Variants in BMP8B observed in about 807,000 individuals in gnomAD.
BMP8B encodes the protein bone morphogenetic protein 8b, also known as bone morphogenetic protein 8 (osteogenic protein 2).
A neutral mutation model predicts 30.3 loss-of-function variants in BMP8B; 17 were observed. The ratio of observed to expected loss-of-function variants is 0.56; its 90% CI spans 0.38 to 0.84. BMP8B has a LOEUF of 0.84. Ranked by LOEUF, BMP8B falls within the 40% of genes least tolerant of loss-of-function variation. The pLI is 0.00. For missense variants in BMP8B, 253 were observed against 494.6 expected (o/e 0.51, Z 4.63); for synonymous variants, 131 against 214.7 (o/e 0.61, Z 3.41).
In BMP8B at chr1:39,759,884, T is replaced by C. The variant is rs1008867246; in HGVS notation, c.*535A>G. The C allele has an allele frequency of 1.3e-5, 2 of 155,048 alleles. No homozygotes were observed. Among genetic ancestry groups the C allele is most frequent in the African/African-American group, 4.8e-5 (2 of 41,506 alleles). The allele number at this position is 155,048 out of a possible 1,614,324, so 9.6% of individuals were successfully genotyped here. On this transcript the variant is annotated 3_prime_UTR_variant, in exon 7 of 7. Coordinates refer to ENST00000372827, the MANE Select transcript of BMP8B (RefSeq NM_001720.5). ...CTACCTGTGACCAGTGGATCAGTGC[T>C]TCAGATCCATGAATATACAATACTT...
chr1:39,770,770 C>G, intron 3 of BMP8B: 1 of 891,048 alleles, frequency 1.1e-6, no homozygotes, highest in South Asian at 1.8e-5. Flanking sequence ...GGACCAGGGT[C>G]CCGTAGCCCG....
At position 39,759,778 on chromosome 1, in the gene BMP8B, G is replaced by A. The variant is rs1648691514; in HGVS notation, c.*641C>T. On this transcript the variant is annotated 3_prime_UTR_variant, in exon 7 of 7. Coordinates refer to ENST00000372827, the MANE Select transcript of BMP8B (RefSeq NM_001720.5). ...GGCAGAGGCAAATGCAAAGCAGGAA[G>A]ACAAGGGAAGATAAATGCCATTGGC... 6.6e-6 allele frequency: 1 copy of A among 152,322 alleles called. No homozygotes were observed. The highest frequency in any genetic ancestry group is 1.5e-5 in the Non-Finnish European group (1 of 68,122). The allele number at this position is 152,322 out of a possible 1,614,324, so 9.4% of individuals were successfully genotyped here.
chr1:39,766,319 C>A (rs1221317025), intron 3 of BMP8B, among the ~76,000 whole-genome samples: 1 of 146,154 alleles, frequency 6.8e-6, no homozygotes, highest in Non-Finnish European at 1.5e-5. Context: ...TCAGTTTACA[C>A]GAAAGTACAT....
chr1:39,764,381 C>T (rs1390165006), intron 4 of BMP8B, among the ~76,000 whole-genome samples: 1 of 151,734 alleles, frequency 6.6e-6, no homozygotes, highest in Non-Finnish European at 1.5e-5. Context: ...CTGAGAAAGA[C>T]CCGGAGGAGC....
intron 3 of BMP8B, chr1:39,770,495 A>C: frequency 6.2e-7 from 1 of 1,609,920 alleles, no homozygotes; most frequent in Non-Finnish European, 8.5e-7. Context: ...TTCTGGGGGG[A>C]AAGCCCCCAC....
At chr1:39,764,390 G>A (rs1649443247) in intron 4 of BMP8B, among the ~76,000 whole-genome samples, 1 of 151,774 alleles carries the variant, frequency 6.6e-6, no homozygotes, top group South Asian at 2.1e-4. Context: ...ACCCGGAGGA[G>A]CCAGGGGGAG....
At chr1:39,769,523 T>C (rs1398393067) in intron 3 of BMP8B, 2 of 833,462 alleles carry the variant, frequency 2.4e-6, no homozygotes, top group Admixed American at 3.5e-5. Context: ...GAGGAACTGA[T>C]CTGTTTTCCT....
In BMP8B at chr1:39,758,972, GCCCA is replaced by G. The variant is rs1194429329; in HGVS notation, c.*1443_*1446del. The G allele has an allele frequency of 5.9e-5, 9 of 152,294 alleles. No individual in the cohort carries two copies. The highest frequency in any genetic ancestry group is 1.9e-4 in the African/African-American group (8 of 41,462). 9.4% of individuals were successfully genotyped at this position (152,294 alleles called of 1,614,324 possible). ...GAACTCCAGAGAGGCGCATCCTTGG[GCCCA>G]TGGGGAGGTGGAACCACTCTGCCGG... On this transcript the variant is annotated 3_prime_UTR_variant, in exon 7 of 7. Transcript: ENST00000372827.
At chr1:39,777,192 G>A (rs1197350451) in intron 1 of BMP8B, among the ~76,000 whole-genome samples, 1 of 152,236 alleles carries the variant, frequency 6.6e-6, no homozygotes, top group Non-Finnish European at 1.5e-5. Context: ...GACATATGCA[G>A]AGAGCAATTC....
chr1:39,768,569 C>G (rs182799), intron 3 of BMP8B, among the ~76,000 whole-genome samples: 2 of 148,606 alleles, frequency 1.3e-5, no homozygotes, highest in Non-Finnish European at 3.0e-5. Context: ...CGGATAAAAA[C>G]GTTCAAGAAG....
rs1181096876 is a variant in BMP8B at position 39,788,494 on chromosome 1, G to GGGGGCGCTCAGCT, written c.-22_-10dup. ...CCGGGGAGCGCGGTCATGGCAGGCC[G>GGGGGCGCTCAGCT]GGGGCGCTCAGCTGGGGCGCTCAGC... On this transcript the variant is annotated 5_prime_UTR_variant, in exon 1 of 7. Transcript: ENST00000372827. The surrounding 1 kb of genome is among the most constrained non-coding windows in gnomAD (Gnocchi z 5.8). 23 of 1,012,260 alleles carry GGGGGCGCTCAGCT rather than the reference G, an allele frequency of 2.3e-5. No homozygotes were observed. The highest frequency in any genetic ancestry group is 4.5e-5 in the South Asian group (1 of 22,344). 62.7% of individuals were successfully genotyped at this position (1,012,260 alleles called of 1,614,324 possible).
chr1:39,778,948 G>A (rs1351390911), intron 1 of BMP8B, among the ~76,000 whole-genome samples: 1 of 152,178 alleles, frequency 6.6e-6, no homozygotes, highest in Non-Finnish European at 1.5e-5. Flanking sequence ...GTCAGACCTG[G>A]AAAGGCCTTC....
chr1:39,779,953 G>T (rs1650512889), intron 1 of BMP8B, among the ~76,000 whole-genome samples: 1 of 152,244 alleles, frequency 6.6e-6, no homozygotes, highest in East Asian at 1.9e-4. Context: ...CTGTCAGCTA[G>T]GGCTGCAGTC....
At chr1:39,785,581 A>T (rs530199139) in intron 1 of BMP8B, among the ~76,000 whole-genome samples, 3 of 152,236 alleles carry the variant, frequency 2.0e-5, no homozygotes, top group East Asian at 1.9e-4. Flanking sequence ...AGACCTGGCT[A>T]TTCAGGAGTC....
At chr1:39,762,762 G>A in intron 6 of BMP8B, 8 of 1,355,872 alleles carry the variant, frequency 5.9e-6, no homozygotes, top group Non-Finnish European at 7.9e-6. Context: ...CCCCCACACA[G>A]TGTACACATC....
At chr1:39,779,665 A>G (rs1291810699) in intron 1 of BMP8B, among the ~76,000 whole-genome samples, 3 of 152,208 alleles carry the variant, frequency 2.0e-5, no homozygotes, top group Non-Finnish European at 4.4e-5. Context: ...AGAACTGAAG[A>G]GTCACCCAGG....
chr1:39,782,822 T>C (rs1241843391), intron 1 of BMP8B, among the ~76,000 whole-genome samples: 2 of 152,096 alleles, frequency 1.3e-5, no homozygotes, highest in African/African-American at 4.8e-5. Flanking sequence ...TGTATTATGA[T>C]ACAGGCATTA....
intron 5 of BMP8B, 48 bp from the exon 6 acceptor site, chr1:39,763,250 A>G (rs779434018): frequency 1.3e-6 from 2 of 1,538,980 alleles, no homozygotes; most frequent in African/African-American, 2.7e-5. Context: ...CCCCTCCCTG[A>G]GCCTCAGGGC....
intron 3 of BMP8B, chr1:39,771,378 C>A (rs922245447): frequency 2.5e-5 from 21 of 831,168 alleles, no homozygotes; most frequent in Non-Finnish European, 3.6e-5. Context: ...GTCTCCCCGG[C>A]CAGGCGCAGG....
Sources: gnomAD v4.1 joint callset for allele counts (sites outside exome capture counted in the v4.1 genomes callset) on GRCh38, gnomAD v4.1.1 for gene constraint, Gnocchi (gnomAD v3.1) non-coding constraint, MANE v1.5 for transcripts, NCBI Gene and HGNC (gene_info 2026-07-23, HGNC 2026-07-21) for gene names.